The following SNX29 variants were observed in gnomAD, a reference collection of about 807,000 sequenced individuals.
SNX29 encodes sorting nexin 29.
Under a neutral mutation model 102.1 loss-of-function variants are expected in SNX29, and 78 were observed. That is an observed-to-expected ratio of 0.76 (90% confidence interval 0.64 to 0.92). The LOEUF is 0.92. Ranked by LOEUF, SNX29 falls within the 40% of genes least tolerant of loss-of-function variation. SNX29 has a pLI of 0.00. For synonymous variants in SNX29, 580 were observed against 414.5 expected (o/e 1.40, Z -4.85); for missense variants, 1,280 against 1,061.7 (o/e 1.21, Z -2.86).
chr16:12,291,650 A>G (rs911294823), intron 15 of SNX29, among the ~76,000 whole-genome samples: 1 of 152,180 alleles, frequency 6.6e-6, no homozygotes, highest in East Asian at 1.9e-4. Flanking sequence ...CAAAAACCTT[A>G]TGTTTACTCT....
chr16:12,554,894 G>A (rs1038761202), intron 20 of SNX29, among the ~76,000 whole-genome samples: 1 of 152,164 alleles, frequency 6.6e-6, no homozygotes, highest in Non-Finnish European at 1.5e-5. Context: ...TGCCATACAG[G>A]ACAGGCAGTG....
In SNX29 at chr16:12,511,932, C is replaced by T. The variant is rs12595895; in HGVS notation, c.2179-12770C>T. Among the ~76,000 whole-genome samples, 517 of 151,594 alleles carry T rather than the reference C, an allele frequency of 3.4e-3. 2 individuals are homozygous for T. The highest frequency in any genetic ancestry group is 5.3e-3 in the Non-Finnish European group (360 of 67,888). ...CGTTGGGCAGGGCAGAGGAAGTGGT[C>T]GGGCCGCATAGAAGCGACTCGGTTC... is the stretch of plus-strand genomic sequence containing the variant. On this transcript the variant is annotated intron_variant, in intron 19 of 20. Coordinates refer to ENST00000566228, the MANE Select transcript of SNX29 (RefSeq NM_032167.5).
intron 20 of SNX29, chr16:12,546,800 A>T (rs2077634363): frequency 6.6e-6 from 1 of 152,228 alleles, no homozygotes; most frequent in Non-Finnish European, 1.5e-5. Context: ...AAATACAGAC[A>T]ATTAGGATTG....
At chr16:12,566,495 C>T (rs1398218983) in intron 20 of SNX29, among the ~76,000 whole-genome samples, 1 of 152,196 alleles carries the variant, frequency 6.6e-6, no homozygotes, top group Non-Finnish European at 1.5e-5. Context: ...ATGGTGGTTG[C>T]AGGCTAAGTG....
intron 15 of SNX29, 131 bp from the exon 16 acceptor site, chr16:12,356,032 C>T (rs923801505): frequency 1.4e-4 from 101 of 737,860 alleles, no homozygotes; most frequent in East Asian, 1.7e-4. Flanking sequence ...TAAGCAGTGT[C>T]ATTGACTCCA....
At chr16:12,285,601 T>C (rs2079569894) in intron 15 of SNX29, among the ~76,000 whole-genome samples, 1 of 152,216 alleles carries the variant, frequency 6.6e-6, no homozygotes. Flanking sequence ...ATCATCATTT[T>C]AATAAAGTGT....
intron 11 of SNX29, among the ~76,000 whole-genome samples, chr16:12,116,033 C>G (rs377148456): frequency 6.6e-6 from 1 of 152,142 alleles, no homozygotes. Context: ...CCAAATTGAC[C>G]GTGCCAGGTG....
intron 16 of SNX29, among the ~76,000 whole-genome samples, chr16:12,380,579 C>T (rs1228672945): frequency 1.5e-5 from 2 of 135,572 alleles, no homozygotes; most frequent in African/African-American, 2.8e-5. Context: ...TCCATCCATC[C>T]ACCCACCCAC....
chr16:12,454,716 T>A (rs1211431836), intron 18 of SNX29, among the ~76,000 whole-genome samples: 1 of 152,014 alleles, frequency 6.6e-6, no homozygotes, highest in African/African-American at 2.4e-5. Context: ...TTATTTATTT[T>A]TATTTTTTAT....
chr16:12,221,744 G>A (rs1162553138), intron 14 of SNX29, among the ~76,000 whole-genome samples: 1 of 152,220 alleles, frequency 6.6e-6, no homozygotes, highest in East Asian at 1.9e-4. Context: ...CGTCGCATTT[G>A]CTGGAAAATT....
rs537260007 is a variant in SNX29 at position 12,552,612 on chromosome 16, AAAAGC to A, written c.2319-15890_2319-15886del. ...TTTATATTCTCATGGGGATGACTAA[AAAAGC>A]AAAAACCAAACACCAAACAAATGGA... On this transcript the variant is annotated intron_variant, in intron 20 of 20. Coordinates refer to ENST00000566228, the MANE Select transcript of SNX29 (RefSeq NM_032167.5). Among the ~76,000 whole-genome samples, 306 of 152,344 alleles carry A rather than the reference AAAAGC, an allele frequency of 2.0e-3. 3 individuals carry two copies. Among genetic ancestry groups the A allele is most frequent in the Non-Finnish European group, 3.4e-3 (231 of 68,036 alleles).
chr16:12,356,383 C>T lies in SNX29; in HGVS notation c.1899+104C>T. 7.0e-6 allele frequency: 7 copies of T among 998,672 alleles called. 1 individual carries two copies. The South Asian group carries it at 7.5e-5, about 11-fold the overall frequency. The allele number at this position is 998,672 out of a possible 1,614,324, so 61.9% of individuals were successfully genotyped here. A position where few individuals can be genotyped will look rare whatever the true frequency, so the allele number is the denominator to read the frequency against. ...AGCAAGCAACCATGCATCCACTGGC[C>T]AGATTTGCCCACATTCACCTCTGCC... On this transcript the variant is annotated intron_variant, in intron 16 of 20. Coordinates refer to ENST00000566228, the MANE Select transcript of SNX29 (RefSeq NM_032167.5).
Position 12,029,273 on chromosome 16 carries a change from A to G in SNX29, c.247+1829A>G, listed in dbSNP as rs1053327890. 5.3e-5 allele frequency among the ~76,000 whole-genome samples: 8 copies of G among 152,266 alleles called. No individual in the cohort carries two copies. The East Asian group carries it at 9.6e-4, about 18-fold the overall frequency. The stretch of plus-strand genomic sequence containing the variant: ...AAAATTATGTTCACTAAACAAATAC[A>G]TCTTGGTTGGAAGGAAGGGCATTAT... On this transcript the variant is annotated intron_variant, in intron 4 of 20. Coordinates refer to ENST00000566228, the MANE Select transcript of SNX29 (RefSeq NM_032167.5).
chr16:12,374,809 T>G (rs1180063984), intron 16 of SNX29: 1 of 152,222 alleles, frequency 6.6e-6, no homozygotes, highest in Non-Finnish European at 1.5e-5. Context: ...CTCACTGTTT[T>G]GCATGATTCT....
chr16:12,544,036 T>TA (rs1464206554), intron 20 of SNX29, among the ~76,000 whole-genome samples: 2 of 152,178 alleles, frequency 1.3e-5, no homozygotes, highest in African/African-American at 4.8e-5. Context: ...CGTTGACTCA[T>TA]CACATTGCAA....
intron 13 of SNX29, among the ~76,000 whole-genome samples, chr16:12,155,569 A>G (rs543303639): frequency 9.9e-5 from 15 of 152,206 alleles, no homozygotes; most frequent in Non-Finnish European, 1.8e-4. Context: ...ACACTGAGCC[A>G]ACTATAACTG....
intron 18 of SNX29, among the ~76,000 whole-genome samples, chr16:12,406,734 C>G (rs551456141): frequency 6.6e-6 from 1 of 152,088 alleles, no homozygotes; most frequent in Non-Finnish European, 1.5e-5. Context: ...ATGGTGAAAC[C>G]CCATCTCTAC....
intron 14 of SNX29, among the ~76,000 whole-genome samples, chr16:12,208,487 C>T (rs1389589407): frequency 2.0e-5 from 3 of 152,196 alleles, no homozygotes; most frequent in Admixed American, 6.5e-5. Flanking sequence ...CAACATGTCT[C>T]TCAGATATAC....
intron 13 of SNX29, among the ~76,000 whole-genome samples, chr16:12,194,411 A>C (rs2141925790): frequency 6.6e-6 from 1 of 152,254 alleles, no homozygotes; most frequent in South Asian, 2.1e-4. Flanking sequence ...GTAGATGGTC[A>C]TGTCTCTTGT....
Sources: gnomAD v4.1 joint callset for allele counts (sites outside exome capture counted in the v4.1 genomes callset) on GRCh38, gnomAD v4.1.1 for gene constraint, MANE v1.5 for transcripts, NCBI Gene and HGNC (gene_info 2026-07-23, HGNC 2026-07-21) for gene names.